The following OVCH2 variants were observed in gnomAD, a reference collection of about 807,000 sequenced individuals.
OVCH2 encodes the protein ovochymase 2.
Under a neutral mutation model 73.7 loss-of-function variants are expected in OVCH2, and 88 were observed. The observed-to-expected ratio is 1.19, with a 90% CI of 1.01 to 1.43. The LOEUF (loss-of-function observed/expected upper bound fraction) is 1.43, where lower values mean the gene tolerates loss of function less well. Among genes scored for constraint, OVCH2 ranks in the 40% most tolerant of loss-of-function variants. The pLI, the probability that OVCH2 is intolerant of heterozygous loss-of-function variation, is 0.00. For synonymous variants in OVCH2, 265 were observed against 234.5 expected, an observed-to-expected ratio of 1.13 and a Z score of -1.19; for missense variants, 706 against 674.5, an observed-to-expected ratio of 1.05 and a Z score of -0.52.
At chr11:7,695,320 T>C in intron 11 of OVCH2, 132 bp from the exon 12 acceptor site, 1 of 1,120,386 alleles carries the variant, frequency 8.9e-7, no homozygotes, top group African/African-American at 1.6e-5. Flanking sequence ...AGAAAAGACG[T>C]AGTGCATGAT....
At chr11:7,698,876 A>G (rs945495698) in intron 7 of OVCH2, 103 bp from the exon 8 acceptor site, 10 of 1,245,984 alleles carry the variant, frequency 8.0e-6, no homozygotes, top group Middle Eastern at 1.9e-4. Context: ...TTAAGTCAAT[A>G]TGCAACTAAT....
chr11:7,684,090 T>C, the OVCH2 span, among the ~76,000 whole-genome samples: 3 of 151,912 alleles, frequency 2.0e-5, no homozygotes, highest in Admixed American at 6.6e-5. Context: ...CACTAGACTG[T>C]TGTCTATTTT....
the OVCH2 span, among the ~76,000 whole-genome samples, chr11:7,681,111 G>A: frequency 6.6e-6 from 1 of 152,292 alleles, no homozygotes; most frequent in Non-Finnish European, 1.5e-5. Flanking sequence ...ATGTCATCCT[G>A]AACAAAGAGG....
At chr11:7,680,364 G>C in the OVCH2 span, among the ~76,000 whole-genome samples, 1 of 152,190 alleles carries the variant, frequency 6.6e-6, no homozygotes, top group Admixed American at 6.5e-5. Context: ...CAGAAGTGTT[G>C]ATCATTGAGG....
At position 7,701,386 on chromosome 11, in the gene OVCH2, G is replaced by T. The variant is rs780970087; in HGVS notation, c.649C>A (p.Pro217Thr). 2.0e-5 allele frequency: 33 copies of T among 1,613,158 alleles called. No homozygotes were observed. Among genetic ancestry groups the T allele is most frequent in the Middle Eastern group, 3.3e-4 (2 of 6,062 alleles). Residue 217 changes from proline to threonine, a missense_variant, in exon 6 of 16, where the codon CCC becomes ACC. Transcript: ENST00000533663. ...CAAAGAAAGGTCTTCCCACTGATGGGCCTCTTTAGTGTTAACAGAGCTGCC... is the reference window on the plus strand; with the variant it reads ...CAAAGAAAGGTCTTCCCACTGATGGTCCTCTTTAGTGTTAACAGAGCTGCC... Reference protein sequence around the residue: ...CVAALLTLKRPISGKTFLCTG... With the variant: ...CVAALLTLKRTISGKTFLCTG...
chr11:7,700,175 A>G (rs1856407740), intron 7 of OVCH2, 121 bp downstream of exon 7: 1 of 930,398 alleles, frequency 1.1e-6, no homozygotes, highest in East Asian at 2.6e-5. Flanking sequence ...CTTGTGTGCT[A>G]CACTGAGAAC....
chr11:7,696,432 G>A, intron 10 of OVCH2, 33 bp downstream of exon 10: 1 of 1,613,268 alleles, frequency 6.2e-7, no homozygotes, highest in Non-Finnish European at 8.5e-7. Flanking sequence ...ACTTGGCACT[G>A]GTTTCCATTT....
chr11:7,700,597 T>C (rs1445002987), intron 6 of OVCH2, 112 bp from the exon 7 acceptor site: 8 of 1,215,144 alleles, frequency 6.6e-6, no homozygotes, highest in Middle Eastern at 2.8e-4. Context: ...TCCTCACTTC[T>C]AATAATTTAG....
At chr11:7,683,826 AT>A in the OVCH2 span, among the ~76,000 whole-genome samples, 1 of 151,976 alleles carries the variant, frequency 6.6e-6, no homozygotes. Context: ...TCTAACCCTT[AT>A]TATCTGCATA....
At chr11:7,682,700 T>C in the OVCH2 span, among the ~76,000 whole-genome samples, 1 of 152,224 alleles carries the variant, frequency 6.6e-6, no homozygotes, top group Non-Finnish European at 1.5e-5. Flanking sequence ...TTATGATCAG[T>C]TCCTTCTCTC....
At position 7,695,304 on chromosome 11, in the gene OVCH2, C is replaced by T. The variant is rs565085418; in HGVS notation, c.1283-116G>A. The T allele has an allele frequency of 3.0e-5, 39 of 1,278,924 alleles. No homozygotes were observed. In the East Asian group the frequency reaches 7.1e-4, roughly 23 times the overall value. The allele number at this position is 1,278,924 out of a possible 1,614,324, so 79.2% of individuals were successfully genotyped here. Reference sequence around the variant, plus strand: ...ATATCAATTGCATTTTCAGACACTGCGAACAAGAAAAGACGTAGTGCATGA... The same window carrying T: ...ATATCAATTGCATTTTCAGACACTGTGAACAAGAAAAGACGTAGTGCATGA... On this transcript the variant is annotated intron_variant, in intron 11 of 15. Coordinates refer to ENST00000533663, the MANE Select transcript of OVCH2 (RefSeq NM_198185.7).
chr11:7,702,206 T>C lies in OVCH2; in HGVS notation c.414A>G (p.Pro138=). 6.2e-7 allele frequency: 1 copy of C among 1,612,776 alleles called. No individual in the cohort carries two copies. The highest frequency in any genetic ancestry group is 8.5e-7 in the Non-Finnish European group (1 of 1,179,416). Residue 138 remains proline, a synonymous_variant, in exon 4 of 16, where the codon CCA becomes CCG. Transcript: ENST00000533663. ...IIHPHFSTKK[P]MDYDIALLKM... ...TCAAAAGGGCAATATCATAGTCCATTGGTTTCTTGGTGGAGAAATGTGGAT... is the reference window on the plus strand; with the variant it reads ...TCAAAAGGGCAATATCATAGTCCATCGGTTTCTTGGTGGAGAAATGTGGAT...
At position 7,703,698 on chromosome 11, in the gene OVCH2, C is replaced by T; in HGVS notation, c.290G>A (p.Arg97Lys). The T allele has an allele frequency of 6.3e-7, 1 of 1,599,790 alleles. No individual in the cohort carries two copies. Among genetic ancestry groups the T allele is most frequent in the Non-Finnish European group, 8.5e-7 (1 of 1,173,198 alleles). Residue 97 changes from arginine (R) to lysine (K), a missense_variant and splice_region_variant, in exon 3 of 16, where the codon AGA becomes AAA. Coordinates refer to ENST00000533663, the MANE Select transcript of OVCH2 (RefSeq NM_198185.7). The stretch of plus-strand genomic sequence containing the variant: ...CACTCATGGGCTAGGCCTTTCTTAC[C>T]TGTTTGCAATGCAGTGAGCCGCCGT... ...VITAAHCIANRNIVSTLNVTA... is the reference protein window; with the variant it reads ...VITAAHCIANKNIVSTLNVTA...
intron 14 of OVCH2, among the ~76,000 whole-genome samples, chr11:7,690,314 G>A (rs979703353): frequency 3.3e-5 from 5 of 152,312 alleles, no homozygotes; most frequent in African/African-American, 9.6e-5. Context: ...TAGTTCGAAT[G>A]TCCAGGGCCT....
intron 8 of OVCH2, chr11:7,697,049 A>G (rs1307019862): frequency 4.3e-5 from 21 of 489,310 alleles, no homozygotes; most frequent in Non-Finnish European, 6.9e-5. Flanking sequence ...ATTTTATTTT[A>G]TCTTTGAGGC....
Position 7,689,494 on chromosome 11 carries a change from T to C in OVCH2, c.*140A>G, listed in dbSNP as rs549231880. ...AGTTCTGGAGGCTAGAAGTCCAAGA[T>C]CAACGTGTCAGCAGGGATGGCTCTG... On this transcript the variant is annotated 3_prime_UTR_variant, in exon 16 of 16. Transcript: ENST00000533663. 46 of 362,502 alleles carry C rather than the reference T, an allele frequency of 1.3e-4. No homozygotes were observed. Among genetic ancestry groups the C allele is most frequent in the Admixed American group, 7.3e-4 (21 of 28,896 alleles). The allele number at this position is 362,502 out of a possible 1,614,324, so 22.5% of individuals were successfully genotyped here.
At chr11:7,701,894 G>A in intron 4 of OVCH2, 83 bp from the exon 5 acceptor site, 1 of 1,195,076 alleles carries the variant, frequency 8.4e-7, no homozygotes, top group Non-Finnish European at 1.2e-6. Flanking sequence ...TATCCAGGTG[G>A]TCCCCTAAAG....
At chr11:7,697,139 C>A (rs1400597275) in intron 8 of OVCH2, among the ~76,000 whole-genome samples, 1 of 152,174 alleles carries the variant, frequency 6.6e-6, no homozygotes, top group Non-Finnish European at 1.5e-5. Flanking sequence ...TGGGCTCAGG[C>A]AATCCTCCTG....
chr11:7,683,925 C>A, the OVCH2 span, among the ~76,000 whole-genome samples: 1 of 151,884 alleles, frequency 6.6e-6, no homozygotes, highest in East Asian at 1.9e-4. Flanking sequence ...AATTGCAATA[C>A]CCTGCTCACC....
Sources: allele counts gnomAD v4.1 joint callset (sites outside exome capture counted in the v4.1 genomes callset), GRCh38; gene constraint gnomAD v4.1.1; transcripts MANE v1.5; gene names NCBI Gene and HGNC (gene_info 2026-07-23, HGNC 2026-07-21).